EYS: variants seen among roughly 807,000 people sequenced by gnomAD.
The protein encoded by EYS is protein eyes shut homolog.
Under a neutral mutation model 282.1 loss-of-function variants are expected in EYS, and 250 were observed. The observed-to-expected ratio is 0.89, with a 90% CI of 0.80 to 0.98. EYS has a LOEUF of 0.98. Among genes scored for constraint, EYS ranks in the 50% least tolerant of loss-of-function variants. The pLI, the probability that EYS is intolerant of heterozygous loss-of-function variation, is 0.00. For synonymous variants in EYS, 1,355 were observed against 1,282.9 expected, an observed-to-expected ratio of 1.06 and a Z score of -1.20; for missense variants, 4,016 against 3,709.0, an observed-to-expected ratio of 1.08 and a Z score of -2.15.
At chr6:64,346,987 A>C (rs1180226387) in intron 29 of EYS, among the ~76,000 whole-genome samples, 1 of 151,572 alleles carries the variant, frequency 6.6e-6, no homozygotes, top group Admixed American at 6.6e-5. Context: ...ATGACAATGC[A>C]GTAGCAAGAA....
intron 12 of EYS, among the ~76,000 whole-genome samples, chr6:65,253,106 A>G (rs2150284363): frequency 6.6e-6 from 1 of 152,142 alleles, no homozygotes; most frequent in Admixed American, 6.6e-5. Flanking sequence ...CCATAGATTC[A>G]ATAAATACAG....
At chr6:64,105,659 C>T (rs561308290) in intron 31 of EYS, among the ~76,000 whole-genome samples, 8 of 152,138 alleles carry the variant, frequency 5.3e-5, no homozygotes, top group East Asian at 1.9e-4. Flanking sequence ...TTGCCTTTTC[C>T]GTAATGCCAG....
rs1340383910 is a variant in EYS, at chr6:64,551,994, T to A, written c.5644+38229A>T. Among the ~76,000 whole-genome samples the A allele has an allele frequency of 2.0e-5, 3 of 152,124 alleles. No individual in the cohort carries two copies. The East Asian group carries it at 5.8e-4, about 29-fold the overall frequency. On this transcript the variant is annotated intron_variant, in intron 26 of 42. Coordinates refer to ENST00000503581, the MANE Select transcript of EYS (RefSeq NM_001142800.2). ...GATATTGGGCAGGCTGGTCTCAAAC[T>A]CCTGACTTCACGTGATTCACCCACC... is the stretch of plus-strand genomic sequence containing the variant.
intron 13 of EYS, among the ~76,000 whole-genome samples, chr6:65,050,407 T>C (rs1013738515): frequency 2.6e-5 from 4 of 151,246 alleles, no homozygotes; most frequent in African/African-American, 9.7e-5. Context: ...GAATCGTTTA[T>C]TTTTTTTCTA....
chr6:65,555,082 A>G (rs1273375683), intron 2 of EYS, among the ~76,000 whole-genome samples: 1 of 152,150 alleles, frequency 6.6e-6, no homozygotes, highest in Non-Finnish European at 1.5e-5. Flanking sequence ...AGCAAATTTC[A>G]GAGCACAAAC....
At chr6:64,755,454 A>G (rs1283705387) in intron 22 of EYS, among the ~76,000 whole-genome samples, 1 of 151,706 alleles carries the variant, frequency 6.6e-6, no homozygotes. Context: ...TCTAAATAGC[A>G]AAAGCTATTC....
At chr6:65,682,243 C>A (rs1157000190) in intron 1 of EYS, among the ~76,000 whole-genome samples, 2 of 151,792 alleles carry the variant, frequency 1.3e-5, no homozygotes, top group African/African-American at 4.8e-5. Context: ...TATGTCACTG[C>A]TGAGAAATAC....
At position 65,698,883 on chromosome 6, in the gene EYS, A is replaced by T. The variant is rs185082387; in HGVS notation, c.-448+8252T>A. Among the ~76,000 whole-genome samples the T allele has an allele frequency of 2.7e-3, 412 of 152,316 alleles. 1 individual carries two copies. Among genetic ancestry groups the T allele is most frequent in the Non-Finnish European group, 4.8e-3 (325 of 68,008 alleles). On this transcript the variant is annotated intron_variant, in intron 1 of 42. Transcript: ENST00000503581. ...TCACCATAAGAAAAACTAAAGAATCAATCTTCCTGATATTATTCAAAACAG... is the reference window on the plus strand; with the variant it reads ...TCACCATAAGAAAAACTAAAGAATCTATCTTCCTGATATTATTCAAAACAG...
intron 13 of EYS, among the ~76,000 whole-genome samples, chr6:65,006,525 C>CAAAAAAAAAAAAAAAAAAAAAAA (rs113511145): frequency 1.0e-5 from 1 of 96,342 alleles, no homozygotes; most frequent in African/African-American, 3.4e-5. Context: ...AAAAAAAAAG[C>CAAAAAAAAAAAAAAAAAAAAAAA]AAAAAGGTAG....
intron 8 of EYS, among the ~76,000 whole-genome samples, chr6:65,371,709 CTCTCTCTCTCTCT>C (rs1445143174): frequency 1.7e-4 from 17 of 102,184 alleles, no homozygotes; most frequent in African/African-American, 8.1e-4. Context: ...CTCTCTCTCC[CTCTCTCTCTCTCT>C]CTCTCTCTCT....
intron 12 of EYS, among the ~76,000 whole-genome samples, chr6:65,242,125 A>G (rs1202538602): frequency 6.6e-6 from 1 of 152,104 alleles, no homozygotes; most frequent in African/African-American, 2.4e-5. Context: ...TGTATTTTTT[A>G]AACAGCTATA....
intron 23 of EYS, among the ~76,000 whole-genome samples, chr6:64,620,261 C>A (rs941602552): frequency 6.6e-6 from 1 of 152,046 alleles, no homozygotes. Context: ...AGTTCAAGAG[C>A]CCATTGTGCT....
At chr6:65,533,257 C>A (rs1166989232) in intron 2 of EYS, among the ~76,000 whole-genome samples, 2 of 152,078 alleles carry the variant, frequency 1.3e-5, no homozygotes, top group Non-Finnish European at 2.9e-5. Context: ...TTCCTGGACA[C>A]ATACACCCTC....
At chr6:65,184,643 T>G (rs1765473293) in intron 12 of EYS, among the ~76,000 whole-genome samples, 1 of 151,606 alleles carries the variant, frequency 6.6e-6, no homozygotes, top group Non-Finnish European at 1.5e-5. Context: ...GATTCAAATA[T>G]AAAATAATAA....
At chr6:64,244,911 T>C (rs576489024) in intron 30 of EYS, among the ~76,000 whole-genome samples, 1 of 152,308 alleles carries the variant, frequency 6.6e-6, no homozygotes, top group East Asian at 1.9e-4. Context: ...ATGTGCCATG[T>C]TGGTGTGCTG....
intron 30 of EYS, among the ~76,000 whole-genome samples, chr6:64,276,119 G>C (rs545087789): frequency 6.6e-6 from 1 of 152,158 alleles, no homozygotes; most frequent in East Asian, 1.9e-4. Flanking sequence ...AATATTTTAA[G>C]GTTTGGTCTT....
At chr6:64,627,608 C>A (rs1767648658) in intron 22 of EYS, among the ~76,000 whole-genome samples, 1 of 152,188 alleles carries the variant, frequency 6.6e-6, no homozygotes, top group Non-Finnish European at 1.5e-5. Context: ...AGCCACTGTG[C>A]TTTACTTGCA....
chr6:64,607,503 A>G (rs1481425989), intron 24 of EYS, among the ~76,000 whole-genome samples: 1 of 151,988 alleles, frequency 6.6e-6, no homozygotes, highest in African/African-American at 2.4e-5. Context: ...GGGACTATCT[A>G]GTTATCTGCA....
At chr6:64,930,302 A>G (rs1207826710) in intron 15 of EYS, among the ~76,000 whole-genome samples, 3 of 152,080 alleles carry the variant, frequency 2.0e-5, no homozygotes, top group Non-Finnish European at 2.9e-5. Flanking sequence ...TGATCTACCT[A>G]CCCACACATA....
Sources: gnomAD v4.1 joint callset for allele counts (sites outside exome capture counted in the v4.1 genomes callset) on GRCh38, gnomAD v4.1.1 for gene constraint, MANE v1.5 for transcripts, NCBI Gene and HGNC (gene_info 2026-07-23, HGNC 2026-07-21) for gene names.